PCDH15: variants seen among roughly 807,000 people sequenced by gnomAD.
The protein encoded by PCDH15 is protocadherin related 15.
PCDH15 carries 129 observed loss-of-function variants against 178.5 expected under a neutral mutation model. The ratio of observed to expected loss-of-function variants is 0.72; its 90% CI spans 0.63 to 0.84. The LOEUF (loss-of-function observed/expected upper bound fraction) is 0.84. Among genes scored for constraint, PCDH15 ranks in the 40% least tolerant of loss-of-function variants. PCDH15 has a pLI of 0.00. For synonymous variants in PCDH15, 800 were observed against 732.0 expected, an observed-to-expected ratio of 1.09 and a Z score of -1.50; for missense variants, 2,230 against 2,099.9, an observed-to-expected ratio of 1.06 and a Z score of -1.21.
intron 8 of PCDH15, among the ~76,000 whole-genome samples, chr10:54,291,548 G>A (rs2891513): frequency 0.72 from 110,188 of 152,084 alleles, 40,896 homozygotes; most frequent in Middle Eastern, 0.82. Context: ...TTTTTTGAAA[G>A]GACCAACAAA....
intron 2 of PCDH15, among the ~76,000 whole-genome samples, chr10:54,610,903 A>G (rs955774753): frequency 6.6e-6 from 1 of 151,814 alleles, no homozygotes; most frequent in Admixed American, 6.6e-5. Flanking sequence ...AAATACATAC[A>G]AAATTCATAT....
chr10:55,251,288 A>G (rs1324010940), intron 1 of PCDH15, among the ~76,000 whole-genome samples: 2 of 152,132 alleles, frequency 1.3e-5, no homozygotes, highest in African/African-American at 4.8e-5. Flanking sequence ...CTAAATAACT[A>G]TATCAGTATA....
intron 1 of PCDH15, among the ~76,000 whole-genome samples, chr10:55,292,510 T>C (rs1467006177): frequency 6.6e-6 from 1 of 151,942 alleles, no homozygotes; most frequent in Admixed American, 6.6e-5. Context: ...GCTCCTGGAG[T>C]AGCTGATATA....
intron 2 of PCDH15, among the ~76,000 whole-genome samples, chr10:55,523,861 G>A (rs887193586): frequency 2.6e-5 from 4 of 151,476 alleles, no homozygotes; most frequent in Non-Finnish European, 5.9e-5. Context: ...ATGTTTTGAG[G>A]ATAGTAATGT....
At chr10:54,587,650 G>A (rs1027142471) in intron 2 of PCDH15, among the ~76,000 whole-genome samples, 5 of 152,088 alleles carry the variant, frequency 3.3e-5, no homozygotes, top group Admixed American at 2.6e-4. Context: ...AATTTGCCAA[G>A]GCATAAAACA....
At chr10:55,355,216 T>C (rs190094981) in intron 2 of PCDH15, among the ~76,000 whole-genome samples, 12 of 152,142 alleles carry the variant, frequency 7.9e-5, no homozygotes, top group Non-Finnish European at 1.3e-4. Context: ...CTACAAACAT[T>C]TGCATGTAGA....
rs567843031 is a variant in PCDH15, at chr10:53,822,807, C to T, written c.4368-2577G>A. 1.2e-5 allele frequency: 19 copies of T among 1,613,964 alleles called. No homozygotes were observed. In the African/African-American group the frequency reaches 2.4e-4, roughly 20 times the overall value. On this transcript the variant is annotated intron_variant, in intron 32 of 37. Coordinates refer to ENST00000644397, the MANE Select transcript of PCDH15 (RefSeq NM_001384140.1). Reference sequence around the variant, plus strand: ...TTCTATCATCAGTGTTTCACCTTGCCTTATTTCCTCTTTCTCTGTCAAATT... The same window carrying T: ...TTCTATCATCAGTGTTTCACCTTGCTTTATTTCCTCTTTCTCTGTCAAATT...
chr10:54,674,731 G>A (rs1703048290), intron 1 of PCDH15, among the ~76,000 whole-genome samples: 1 of 152,018 alleles, frequency 6.6e-6, no homozygotes, highest in Non-Finnish European at 1.5e-5. Flanking sequence ...GGATTTTAAT[G>A]TAAAGCTGAG....
At chr10:53,998,834 C>A in intron 20 of PCDH15, among the ~76,000 whole-genome samples, 1 of 151,648 alleles carries the variant, frequency 6.6e-6, no homozygotes, top group East Asian at 1.9e-4. Context: ...GGCGGATCAC[C>A]CAAGGTCAGG....
At position 55,410,845 on chromosome 10, in the gene PCDH15, G is replaced by T. The variant is rs117630395; in HGVS notation, c.-156+216780C>A. 1.9e-4 allele frequency among the ~76,000 whole-genome samples: 29 copies of T among 152,160 alleles called. No homozygotes were observed. In the East Asian group the frequency reaches 4.8e-3, roughly 25 times the overall value. Reference sequence around the variant, plus strand: ...GTCCCATTTCCCCATGTTCAAGCCGGTGTTTGCGTTTTCTAGGGCTATTAC... The same window carrying T: ...GTCCCATTTCCCCATGTTCAAGCCGTTGTTTGCGTTTTCTAGGGCTATTAC... On this transcript the variant is annotated intron_variant, in intron 2 of 5. Coordinates refer to the PCDH15 transcript ENST00000613346.
intron 3 of PCDH15, among the ~76,000 whole-genome samples, chr10:54,392,520 T>C (rs1253857707): frequency 1.3e-5 from 2 of 150,046 alleles, no homozygotes; most frequent in Admixed American, 6.7e-5. Context: ...TTAGCTTTTA[T>C]TGTGAGTAAT....
At chr10:53,817,811 G>T (rs1265817656) in intron 34 of PCDH15, among the ~76,000 whole-genome samples, 184 bp downstream of exon 34, 1 of 152,010 alleles carries the variant, frequency 6.6e-6, no homozygotes, top group Non-Finnish European at 1.5e-5. Context: ...TTGAATAAGA[G>T]ATTTAAAACC....
chr10:54,071,736 A>T (rs1375805636), intron 17 of PCDH15, among the ~76,000 whole-genome samples: 4 of 152,134 alleles, frequency 2.6e-5, no homozygotes, highest in Non-Finnish European at 5.9e-5. Flanking sequence ...TTCATTAAGA[A>T]AGCAGAAAAC....
At chr10:55,074,051 T>A (rs185779035) in intron 2 of PCDH15, among the ~76,000 whole-genome samples, 1 of 152,144 alleles carries the variant, frequency 6.6e-6, no homozygotes, top group Admixed American at 6.6e-5. Context: ...CTCATTCTTT[T>A]CTATGGCTGC....
At chr10:54,071,496 T>G (rs2094242193) in intron 17 of PCDH15, among the ~76,000 whole-genome samples, 1 of 152,160 alleles carries the variant, frequency 6.6e-6, no homozygotes, top group South Asian at 2.1e-4. Flanking sequence ...CATTTAATTT[T>G]TACATCTTTT....
At chr10:54,113,846 A>G (rs747610057) in intron 15 of PCDH15, among the ~76,000 whole-genome samples, 1 of 152,184 alleles carries the variant, frequency 6.6e-6, no homozygotes, top group African/African-American at 2.4e-5. Flanking sequence ...TTATAAAGAA[A>G]AAAAGGCCTC....
chr10:55,430,432 T>C (rs1589019885), intron 2 of PCDH15, among the ~76,000 whole-genome samples: 1 of 152,232 alleles, frequency 6.6e-6, no homozygotes, highest in Admixed American at 6.5e-5. Flanking sequence ...TGTTTTGATA[T>C]ATTTTGACAT....
At chr10:55,308,666 C>T (rs1843494543) in intron 1 of PCDH15, among the ~76,000 whole-genome samples, 2 of 152,154 alleles carry the variant, frequency 1.3e-5, no homozygotes, top group African/African-American at 4.8e-5. Flanking sequence ...CCTGTCCTCC[C>T]AGCATAGACT....
chr10:54,907,724 G>GA (rs1359213900), intron 2 of PCDH15, among the ~76,000 whole-genome samples: 1 of 152,136 alleles, frequency 6.6e-6, no homozygotes, highest in Non-Finnish European at 1.5e-5. Flanking sequence ...ATAAACCAAT[G>GA]AGGTATATGT....
Sources: allele counts gnomAD v4.1 joint callset (sites outside exome capture counted in the v4.1 genomes callset), GRCh38; gene constraint gnomAD v4.1.1; transcripts MANE v1.5; gene names NCBI Gene and HGNC (gene_info 2026-07-23, HGNC 2026-07-21).